The following RAP1GAP2 variants were observed in gnomAD, a reference collection of about 807,000 sequenced individuals.
RAP1GAP2 encodes the protein rap1 GTPase-activating protein 2.
In RAP1GAP2, 27 loss-of-function variants were observed where a neutral mutation model predicts 95.0. That is an observed-to-expected ratio of 0.28 (90% CI 0.21 to 0.39). The LOEUF (loss-of-function observed/expected upper bound fraction) is 0.39, where lower values mean the gene tolerates loss of function less well. Among genes scored for constraint, RAP1GAP2 ranks in the 10% least tolerant of loss-of-function variants. The probability of loss-of-function intolerance (pLI) is 1.00; values close to 1 mark genes in which losing one functional copy is unlikely to be tolerated. For synonymous variants in RAP1GAP2, 373 were observed against 380.9 expected (o/e 0.98, Z 0.24); for missense variants, 771 against 970.0 (o/e 0.79, Z 2.72).
At chr17:2,875,030 G>C (rs974536950) in intron 2 of RAP1GAP2, among the ~76,000 whole-genome samples, 1 of 152,184 alleles carries the variant, frequency 6.6e-6, no homozygotes, top group African/African-American at 2.4e-5. Flanking sequence ...TTACCTTGGG[G>C]ACGGCGCCCT....
At chr17:2,934,926 A>T in intron 3 of RAP1GAP2, among the ~76,000 whole-genome samples, 1 of 152,180 alleles carries the variant, frequency 6.6e-6, no homozygotes, top group East Asian at 1.9e-4. Context: ...TACCAAAACC[A>T]ACTCGAGTGC....
At chr17:2,889,129 C>G (rs1212526296) in intron 2 of RAP1GAP2, among the ~76,000 whole-genome samples, 1 of 152,044 alleles carries the variant, frequency 6.6e-6, no homozygotes, top group Non-Finnish European at 1.5e-5. Flanking sequence ...TGTGGTTGTT[C>G]TGTTTCTAGT....
intron 2 of RAP1GAP2, among the ~76,000 whole-genome samples, chr17:2,836,209 G>C (rs2071122669): frequency 1.3e-5 from 2 of 151,934 alleles, no homozygotes; most frequent in South Asian, 4.2e-4. Context: ...CGGTTGGGTA[G>C]AGGTCTACTA....
intron 2 of RAP1GAP2, among the ~76,000 whole-genome samples, chr17:2,843,028 C>T (rs763028092): frequency 2.0e-5 from 3 of 152,102 alleles, no homozygotes; most frequent in Admixed American, 1.3e-4. Flanking sequence ...AAGGTGTACA[C>T]GGTGTCTGCC....
chr17:3,019,939 G>C (rs4239034), intron 18 of RAP1GAP2, among the ~76,000 whole-genome samples: 136,416 of 152,328 alleles, frequency 0.9, 61,475 homozygotes, highest in Non-Finnish European at 0.95. Context: ...CTTGGCTGCC[G>C]CCAACCGCCC....
chr17:2,974,526 A>G (rs1006567510), intron 8 of RAP1GAP2, among the ~76,000 whole-genome samples: 1 of 152,182 alleles, frequency 6.6e-6, no homozygotes, highest in African/African-American at 2.4e-5. Context: ...ACCAGAAAAG[A>G]TTTAATTAGA....
At chr17:2,982,189 G>T (rs986402384) in intron 10 of RAP1GAP2, among the ~76,000 whole-genome samples, 9 of 152,186 alleles carry the variant, frequency 5.9e-5, no homozygotes, top group African/African-American at 9.7e-5. Context: ...ACCCAGGCTG[G>T]AGTGCAGTGG....
intron 3 of RAP1GAP2, among the ~76,000 whole-genome samples, chr17:2,952,700 G>T (rs1284644370): frequency 6.6e-6 from 1 of 152,134 alleles, no homozygotes; most frequent in African/African-American, 2.4e-5. Context: ...ATCTTACTGT[G>T]ATCTTAATTT....
Position 3,036,282 on chromosome 17 carries a change from A to C in RAP1GAP2, c.*2921A>C, listed in dbSNP as rs1260880578. On this transcript the variant is annotated 3_prime_UTR_variant, in exon 25 of 25. Coordinates refer to ENST00000254695, the MANE Select transcript of RAP1GAP2 (RefSeq NM_015085.5). ...CAGATGAGAAATCTTAGCCCAGGTGAGGGGAGTAACTTGCTTGAGGTCACA... is the reference window on the plus strand; with the variant it reads ...CAGATGAGAAATCTTAGCCCAGGTGCGGGGAGTAACTTGCTTGAGGTCACA... 1 of 152,190 alleles carries C rather than the reference A, an allele frequency of 6.6e-6. No homozygotes were observed. The highest frequency in any genetic ancestry group is 6.5e-5 in the Admixed American group (1 of 15,276). The allele number at this position is 152,190 out of a possible 1,614,324, so 9.4% of individuals were successfully genotyped here.
intron 2 of RAP1GAP2, among the ~76,000 whole-genome samples, chr17:2,800,988 T>C (rs1287732765): frequency 6.6e-6 from 1 of 151,338 alleles, no homozygotes; most frequent in African/African-American, 2.4e-5. Context: ...TAGCTGGGAT[T>C]ACAGGCGCCC....
In RAP1GAP2 at chr17:3,005,461, C is replaced by T; in HGVS notation, c.1272+21C>T. 6.3e-7 allele frequency: 1 copy of T among 1,599,736 alleles called. No individual in the cohort carries two copies. Among genetic ancestry groups the T allele is most frequent in the Non-Finnish European group, 8.6e-7 (1 of 1,166,958 alleles). On this transcript the variant is annotated intron_variant, in intron 15 of 24. Transcript: ENST00000254695. The surrounding 1 kb of genome is among the most constrained non-coding windows in gnomAD (Gnocchi z 5.2). ...AGAAGGTAGGACACTCTTCCTTCTG[C>T]CCCTCTCGCATCCACGATGCCAGGT...
At chr17:2,889,863 G>GTATATATATATATATATA (rs748546441) in intron 2 of RAP1GAP2, among the ~76,000 whole-genome samples, 9 of 79,852 alleles carry the variant, frequency 1.1e-4, no homozygotes, top group Admixed American at 1.7e-4. Flanking sequence ...TTATGTGTGT[G>GTATATATATATATATATA]TATATATATA....
chr17:2,921,655 C>A (rs1473798362), intron 3 of RAP1GAP2, among the ~76,000 whole-genome samples: 2 of 150,000 alleles, frequency 1.3e-5, no homozygotes, highest in African/African-American at 5.0e-5. Context: ...GTTATGTGTC[C>A]TCAGGGCCGT....
chr17:2,888,646 CTTTTTCTTTTTTTT>C (rs2073582058), intron 2 of RAP1GAP2, among the ~76,000 whole-genome samples: 1 of 110,340 alleles, frequency 9.1e-6, no homozygotes, highest in Non-Finnish European at 1.7e-5. Flanking sequence ...ACCACCTTTT[CTTTTTCTTTTTTTT>C]TTTTTTTTTG....
chr17:3,032,634 C>A (rs577787494), intron 24 of RAP1GAP2, among the ~76,000 whole-genome samples, 185 bp downstream of exon 24: 2 of 152,074 alleles, frequency 1.3e-5, no homozygotes, highest in South Asian at 4.1e-4. Flanking sequence ...GGCCTGTGTG[C>A]GGATGGGAAG....
At position 2,965,587 on chromosome 17, in the gene RAP1GAP2, C is replaced by T. The variant is rs780933815; in HGVS notation, c.540C>T (p.Ile180=). Residue 180 remains isoleucine, a synonymous_variant, in exon 8 of 25, where the codon ATC becomes ATT. Transcript: ENST00000254695. The surrounding 1 kb of genome is among the most constrained non-coding windows in gnomAD (Gnocchi z 4.7). ...CCGGCAGCAGCCTGGGGAACTTGAT[C>T]CTGTCCGTCAAGTGCGAGGAAGCAG... ...YCTGSSLGNL[I]LSVKCEEAEG... The T allele has an allele frequency of 1.9e-6, 3 of 1,612,774 alleles. No homozygotes were observed. Among genetic ancestry groups the T allele is most frequent in the South Asian group, 2.2e-5 (2 of 90,776 alleles).
chr17:2,795,238 G>A (rs1029079473), upstream of RAP1GAP2, among the ~76,000 whole-genome samples: 1 of 151,806 alleles, frequency 6.6e-6, no homozygotes, highest in Non-Finnish European at 1.5e-5. Flanking sequence ...CTGCTTGGGG[G>A]TAGGGTGGGG....
chr17:2,985,831 C>T (rs2045539726), intron 11 of RAP1GAP2, among the ~76,000 whole-genome samples: 1 of 152,096 alleles, frequency 6.6e-6, no homozygotes, highest in Non-Finnish European at 1.5e-5. Flanking sequence ...CTCTTTATAA[C>T]TTTGTTGAAC....
At chr17:2,956,897 G>A (rs2044126647) in intron 3 of RAP1GAP2, among the ~76,000 whole-genome samples, 2 of 152,196 alleles carry the variant, frequency 1.3e-5, no homozygotes, top group Admixed American at 1.3e-4. Flanking sequence ...GGGAGGCCAA[G>A]GCGGGAGGAT....
Sources: gnomAD v4.1 joint callset for allele counts (sites outside exome capture counted in the v4.1 genomes callset) on GRCh38, gnomAD v4.1.1 for gene constraint, Gnocchi (gnomAD v3.1) non-coding constraint, MANE v1.5 for transcripts, NCBI Gene and HGNC (gene_info 2026-07-23, HGNC 2026-07-21) for gene names.